Variants in KLHL4 observed in about 807,000 individuals in gnomAD.
KLHL4 encodes the protein kelch-like protein 4.
A neutral mutation model predicts 45.8 loss-of-function variants in KLHL4; 17 were observed. The ratio of observed to expected loss-of-function variants is 0.37; its 90% confidence interval spans 0.25 to 0.56. The LOEUF (loss-of-function observed/expected upper bound fraction) is 0.56, where lower values mean the gene tolerates loss of function less well. Among genes scored for constraint, KLHL4 ranks in the 20% least tolerant of loss-of-function variants. KLHL4 has a pLI of 0.79. For synonymous variants in KLHL4, 224 were observed against 189.9 expected (o/e 1.18, Z -1.47); for missense variants, 544 against 544.9 (o/e 1.00, Z 0.02).
intron 9 of KLHL4, among the ~76,000 whole-genome samples, chrX:87,641,709 T>C (rs945565663): frequency 9.0e-6 from 1 of 111,027 alleles, no homozygotes. Flanking sequence ...AGAAGCATAG[T>C]GGGAGTGAGA....
intron 1 of KLHL4, among the ~76,000 whole-genome samples, chrX:87,562,821 T>C (rs764348452): frequency 9.0e-6 from 1 of 111,629 alleles, no homozygotes; most frequent in East Asian, 2.9e-4. Flanking sequence ...AAACAAATAG[T>C]GTGCTGGCTT....
intron 1 of KLHL4, among the ~76,000 whole-genome samples, chrX:87,573,828 G>A: frequency 9.0e-6 from 1 of 111,537 alleles, no homozygotes; most frequent in Non-Finnish European, 1.9e-5. Flanking sequence ...ATAAAGGAAA[G>A]TCTTAAAATA....
At chrX:87,595,445 T>C (rs764320814) in intron 1 of KLHL4, among the ~76,000 whole-genome samples, 26 of 112,142 alleles carry the variant, frequency 2.3e-4, no homozygotes, top group Non-Finnish European at 4.5e-4. Context: ...TCCTGTGTTC[T>C]TTATTGAAAA....
chrX:87,625,569 G>T, intron 5 of KLHL4, 41 bp from the exon 6 acceptor site: 10 of 1,063,957 alleles, frequency 9.4e-6, no homozygotes, highest in Non-Finnish European at 1.3e-5. Flanking sequence ...CTTTCTAATG[G>T]TGAACTCTCC....
intron 9 of KLHL4, among the ~76,000 whole-genome samples, chrX:87,662,910 A>C (rs1924242190): frequency 1.1e-5 from 1 of 91,085 alleles, no homozygotes; most frequent in Non-Finnish European, 2.2e-5. Flanking sequence ...AGCCTGGGAG[A>C]CAGAGCGAGA....
chrX:87,589,271 G>T (rs2147799330), intron 1 of KLHL4, among the ~76,000 whole-genome samples: 1 of 111,819 alleles, frequency 8.9e-6, no homozygotes, highest in Non-Finnish European at 1.9e-5. Flanking sequence ...ACTAAAAATT[G>T]AGCTACCATA....
At chrX:87,574,088 G>A (rs1322191592) in intron 1 of KLHL4, among the ~76,000 whole-genome samples, 2 of 111,759 alleles carry the variant, frequency 1.8e-5, no homozygotes, top group Non-Finnish European at 3.8e-5. Context: ...TTGGAGGGAA[G>A]CATTTAACTT....
At chrX:87,555,447 G>A (rs1462487276) in intron 1 of KLHL4, among the ~76,000 whole-genome samples, 1 of 111,388 alleles carries the variant, frequency 9.0e-6, no homozygotes, top group Non-Finnish European at 1.9e-5. Context: ...TTAGTCTTGG[G>A]AAGGTGTTCG....
chrX:87,666,376 A>C, intron 10 of KLHL4, 99 bp from the exon 11 acceptor site: 1 of 839,571 alleles, frequency 1.2e-6, no homozygotes, highest in South Asian at 3.6e-5. Context: ...TGTTAGACCA[A>C]ATTAAGTAAG....
At chrX:87,526,917 T>C (rs1931122729) in intron 1 of KLHL4, among the ~76,000 whole-genome samples, 1 of 111,653 alleles carries the variant, frequency 9.0e-6, no homozygotes. Flanking sequence ...TGTGTGAATA[T>C]TTTGAGGGAG....
chrX:87,539,843 T>C (rs1931514373), intron 1 of KLHL4, among the ~76,000 whole-genome samples: 1 of 111,367 alleles, frequency 9.0e-6, no homozygotes, highest in Admixed American at 9.6e-5. Context: ...CTTATTATAG[T>C]CAAGCATCAC....
intron 1 of KLHL4, among the ~76,000 whole-genome samples, chrX:87,539,474 C>T (rs907011418): frequency 2.7e-5 from 3 of 110,261 alleles, no homozygotes; most frequent in African/African-American, 6.6e-5. Flanking sequence ...TCAATGCATC[C>T]GATTTTTGGA....
At chrX:87,573,364 GA>G (rs1371187969) in intron 1 of KLHL4, among the ~76,000 whole-genome samples, 5 of 110,644 alleles carry the variant, frequency 4.5e-5, no homozygotes, top group African/African-American at 1.6e-4. Flanking sequence ...ATTAAGAGGT[GA>G]AAAAGATAGG....
At position 87,563,606 on chromosome X, in the gene KLHL4, C is replaced by CAA. The variant is rs760968363; in HGVS notation, c.422+45304_422+45305dup. 2.3e-3 allele frequency among the ~76,000 whole-genome samples: 138 copies of CAA among 60,253 alleles called. 1 individual carries two copies. The highest frequency in any genetic ancestry group is 5.6e-3 in the South Asian group (7 of 1,260). The allele number at this position is 60,253 out of a possible 115,157, so 52.3% of individuals were successfully genotyped here. On this transcript the variant is annotated intron_variant, in intron 1 of 10. Transcript: ENST00000373119. ...TTGAAAATACACAGTCCAAAGGAGA[C>CAA]AAAAAAAAAAAAAAGGAATGAAGCA...
chrX:87,547,835 A>AACAC lies in KLHL4; in HGVS notation c.422+29523_422+29524insCACA, dbSNP rs1243590738. On this transcript the variant is annotated intron_variant, in intron 1 of 10. Transcript: ENST00000373119. Reference sequence around the variant, plus strand: ...GACTCCATCTAAAAACAAACAAACAAACAAACAAAAATTAAGCATGTACAA... The same window carrying AACAC: ...GACTCCATCTAAAAACAAACAAACAAACACACAAACAAAAATTAAGCATGTACAA... Among the ~76,000 whole-genome samples the AACAC allele has an allele frequency of 2.7e-5, 3 of 111,514 alleles. No individual in the cohort carries two copies. The East Asian group carries it at 8.5e-4, about 32-fold the overall frequency.
At chrX:87,616,751 CT>C (rs1922569312) in intron 3 of KLHL4, among the ~76,000 whole-genome samples, 1 of 111,657 alleles carries the variant, frequency 9.0e-6, no homozygotes, top group Admixed American at 9.6e-5. Context: ...ATATTTATAT[CT>C]GAATTGGAGA....
intron 6 of KLHL4, among the ~76,000 whole-genome samples, chrX:87,626,290 A>G (rs1048081956): frequency 1.8e-5 from 2 of 111,691 alleles, no homozygotes; most frequent in African/African-American, 3.2e-5. Context: ...GGGGCCTTCT[A>G]GGTCATAAGT....
At chrX:87,603,658 A>T (rs1002629962) in intron 1 of KLHL4, among the ~76,000 whole-genome samples, 1 of 111,204 alleles carries the variant, frequency 9.0e-6, no homozygotes, top group African/African-American at 3.3e-5. Context: ...CATGATATTT[A>T]TATGCATCAT....
At chrX:87,586,398 C>A (rs1005028436) in intron 1 of KLHL4, among the ~76,000 whole-genome samples, 32 of 110,150 alleles carry the variant, frequency 2.9e-4, no homozygotes, top group African/African-American at 9.9e-4. Flanking sequence ...TTAAAACATT[C>A]AAAAAAAACC....
Sources: gnomAD v4.1 joint callset for allele counts (sites outside exome capture counted in the v4.1 genomes callset) on GRCh38, gnomAD v4.1.1 for gene constraint, MANE v1.5 for transcripts, NCBI Gene and HGNC (gene_info 2026-07-23, HGNC 2026-07-21) for gene names.